The following EVC2 variants were observed in gnomAD, a reference collection of about 807,000 sequenced individuals.
EVC2 encodes the protein limbin.
EVC2 carries 148 observed loss-of-function variants against 149.3 expected under a neutral mutation model. The observed-to-expected ratio is 0.99, with a 90% CI of 0.87 to 1.14. EVC2 has a LOEUF of 1.14. Ranked by LOEUF, EVC2 falls within the 50% of genes most tolerant of loss-of-function variation. The pLI is 0.00. For synonymous variants in EVC2, 776 were observed against 649.9 expected (o/e 1.19, Z -2.95); for missense variants, 1,854 against 1,627.3 (o/e 1.14, Z -2.40).
At chr4:5,574,055 C>T (rs1007511824) in intron 19 of EVC2, among the ~76,000 whole-genome samples, 3 of 152,224 alleles carry the variant, frequency 2.0e-5, no homozygotes, top group African/African-American at 7.2e-5. Flanking sequence ...ACTGCATCAG[C>T]GAGCACCTCT....
chr4:5,568,057 A>C (rs1177639697), intron 20 of EVC2, among the ~76,000 whole-genome samples: 1 of 152,144 alleles, frequency 6.6e-6, no homozygotes, highest in Non-Finnish European at 1.5e-5. Flanking sequence ...TGCACAACAC[A>C]CTCACACATT....
chr4:5,635,896 T>C (rs1716862589), intron 10 of EVC2, among the ~76,000 whole-genome samples: 1 of 152,186 alleles, frequency 6.6e-6, no homozygotes, highest in African/African-American at 2.4e-5. Context: ...GAAGCTGGAT[T>C]GCCAGTCACT....
chr4:5,674,254 C>G (rs113153867), intron 7 of EVC2, among the ~76,000 whole-genome samples: 1 of 152,088 alleles, frequency 6.6e-6, no homozygotes, highest in African/African-American at 2.4e-5. Flanking sequence ...ATCACACTTA[C>G]CAACGCAGCT....
At position 5,625,872 on chromosome 4, in the gene EVC2, T is replaced by C. The variant is rs1193715900; in HGVS notation, c.1923A>G (p.Leu641=). ...AGACTTCTGTCTGAGCCCGCTCCAATAGCATTTCCATTTGGTCTTCATCCA... is the reference window on the plus strand; with the variant it reads ...AGACTTCTGTCTGAGCCCGCTCCAACAGCATTTCCATTTGGTCTTCATCCA... The part of the protein sequence containing the change: ...GYLDEDQMEM[L]LERAQTEVFS... The change falls in exon 13 of 22, where the codon CTA becomes CTG. Residue 641 remains leucine, a synonymous_variant. Transcript: ENST00000344408. This position sits in a 1 kb window ranked among gnomAD's most constrained non-coding sequence, Gnocchi z 4.0. 7.4e-6 allele frequency: 12 copies of C among 1,614,118 alleles called. No homozygotes were observed. Among genetic ancestry groups the C allele is most frequent in the Middle Eastern group, 1.6e-4 (1 of 6,062 alleles).
At chr4:5,555,573 A>G (rs574215486) in intron 21 of EVC2, among the ~76,000 whole-genome samples, 1 of 152,334 alleles carries the variant, frequency 6.6e-6, no homozygotes, top group South Asian at 2.1e-4. Context: ...GGGAATACAT[A>G]TGGTAAAGGG....
intron 9 of EVC2, among the ~76,000 whole-genome samples, chr4:5,658,028 T>C (rs1577216911): frequency 6.6e-6 from 1 of 152,196 alleles, no homozygotes; most frequent in African/African-American, 2.4e-5. Flanking sequence ...TCCAAGATTC[T>C]TTAACAGAGC....
intron 16 of EVC2, among the ~76,000 whole-genome samples, chr4:5,605,697 T>C (rs1342298021): frequency 6.6e-6 from 1 of 152,184 alleles, no homozygotes; most frequent in Non-Finnish European, 1.5e-5. Flanking sequence ...CCAGGAGGCA[T>C]TTTGAGTGAC....
intron 8 of EVC2, among the ~76,000 whole-genome samples, chr4:5,664,227 C>T (rs115122100): frequency 4.2e-4 from 64 of 152,278 alleles, no homozygotes; most frequent in African/African-American, 1.5e-3. Flanking sequence ...TCACACAGCT[C>T]AGAAGAGCCC....
At chr4:5,644,078 C>T (rs534829286) in intron 9 of EVC2, among the ~76,000 whole-genome samples, 1 of 152,148 alleles carries the variant, frequency 6.6e-6, no homozygotes, top group South Asian at 2.1e-4. Context: ...TCTATCTTTC[C>T]TTCTACAGCA....
At chr4:5,608,615 C>A (rs985360755) in intron 16 of EVC2, among the ~76,000 whole-genome samples, 2 of 152,092 alleles carry the variant, frequency 1.3e-5, no homozygotes, top group Non-Finnish European at 2.9e-5. Flanking sequence ...CTCATTGAAA[C>A]CTCTGCCTCC....
intron 9 of EVC2, among the ~76,000 whole-genome samples, chr4:5,661,192 T>G (rs994520657): frequency 4.6e-5 from 7 of 152,126 alleles, no homozygotes; most frequent in Non-Finnish European, 7.4e-5. Flanking sequence ...TTTGAAGGGT[T>G]CACATTTGGC....
downstream of EVC2, among the ~76,000 whole-genome samples, chr4:5,538,709 G>A (rs1362919177): frequency 6.6e-6 from 1 of 152,072 alleles, no homozygotes; most frequent in Non-Finnish European, 1.5e-5. Flanking sequence ...TCTATAAAAT[G>A]ATGAAAAACT....
In EVC2 at chr4:5,665,559, C is replaced by T; in HGVS notation, c.961G>A (p.Val321Ile). The T allele has an allele frequency of 6.2e-7, 1 of 1,614,160 alleles. No homozygotes were observed. The highest frequency in any genetic ancestry group is 1.6e-4 in the Middle Eastern group (1 of 6,062). Residue 321 changes from valine (V) to isoleucine (I), a missense_variant, in exon 8 of 22, where the codon GTT (valine) becomes ATT (isoleucine). Physicochemically the swap from Val to Ile is conservative, Grantham distance 29 (BLOSUM62 3). Coordinates refer to ENST00000344408, the MANE Select transcript of EVC2 (RefSeq NM_147127.5). ...VLTWAALFLMVRYQCLKGNML... is the reference protein window; with the variant it reads ...VLTWAALFLMIRYQCLKGNML... The stretch of plus-strand genomic sequence containing the variant: ...TTTCCCTTCAGACACTGATAGCGAA[C>T]CATGAGGAAGAGGGCAGCCCAGGTC...
rs757828951 is a variant in EVC2, at chr4:5,631,872, T to G, written c.1631A>C (p.Gln544Pro). 5.6e-6 allele frequency: 9 copies of G among 1,614,242 alleles called. No individual in the cohort carries two copies. In the East Asian group the frequency reaches 2.0e-4, roughly 36 times the overall value. ...CCCTTTGAAAATAGCACTTTTTATC[T>G]GGGTAAAAAAGATACTGTGCAGTTC... ...RNELHSIFFT[Q>P]IKSAIFKGEL... Residue 544 changes from glutamine to proline, a missense_variant, in exon 11 of 22, where the codon CAG becomes CCG. Gln to Pro is a moderately conservative substitution (Grantham distance 76). Transcript: ENST00000344408.
At chr4:5,623,238 C>T (rs1022877411) in intron 13 of EVC2, among the ~76,000 whole-genome samples, 9 of 151,936 alleles carry the variant, frequency 5.9e-5, no homozygotes, top group South Asian at 2.1e-4. Context: ...TGGGTTCAAG[C>T]GATTCTTGTG....
intron 21 of EVC2, among the ~76,000 whole-genome samples, chr4:5,549,333 A>G (rs186927900): frequency 6.6e-6 from 1 of 152,292 alleles, no homozygotes; most frequent in Non-Finnish European, 1.5e-5. Flanking sequence ...TCCTCCTTCG[A>G]CAGGGGAATA....
the EVC2 span, among the ~76,000 whole-genome samples, chr4:5,536,434 A>G: frequency 6.6e-6 from 1 of 152,242 alleles, no homozygotes; most frequent in African/African-American, 2.4e-5. Context: ...AGAAACATAA[A>G]AATTAAAATG....
At chr4:5,570,748 T>G (rs941774826) in intron 19 of EVC2, among the ~76,000 whole-genome samples, 2 of 152,172 alleles carry the variant, frequency 1.3e-5, no homozygotes, top group African/African-American at 2.4e-5. Context: ...CCAACCAAAG[T>G]GCCCATCAAC....
chr4:5,623,199 G>A (rs530092926), intron 13 of EVC2, among the ~76,000 whole-genome samples: 5 of 150,942 alleles, frequency 3.3e-5, no homozygotes, highest in Non-Finnish European at 5.9e-5. Context: ...GCAATGGTGC[G>A]ATCTCGGCTC....
Sources: allele counts gnomAD v4.1 joint callset (sites outside exome capture counted in the v4.1 genomes callset), GRCh38; gene constraint gnomAD v4.1.1; non-coding constraint Gnocchi (gnomAD v3.1); transcripts MANE v1.5; gene names NCBI Gene and HGNC (gene_info 2026-07-23, HGNC 2026-07-21).